The following TOX variants were observed in gnomAD, a reference collection of about 807,000 sequenced individuals.
TOX encodes the protein thymocyte selection associated high mobility group box, also known as thymocyte selection-associated high mobility group box protein TOX.
A neutral mutation model predicts 53.7 loss-of-function variants in TOX; 11 were observed. That is an observed-to-expected ratio of 0.20 (90% CI 0.13 to 0.34). The LOEUF (loss-of-function observed/expected upper bound fraction) is 0.34, where lower values mean the gene tolerates loss of function less well. Among genes scored for constraint, TOX ranks in the 10% least tolerant of loss-of-function variants. The pLI is 1.00. For missense variants in TOX, 570 were observed against 664.6 expected (o/e 0.86, Z 1.56); for synonymous variants, 225 against 245.3 (o/e 0.92, Z 0.77).
At chr8:58,873,958 C>CATTTTTTTTTTT (rs1811239401) in intron 3 of TOX, among the ~76,000 whole-genome samples, 1 of 40,128 alleles carries the variant, frequency 2.5e-5, no homozygotes, top group Non-Finnish European at 3.9e-5. Flanking sequence ...TGCCAGGAAG[C>CATTTTTTTTTTT]TTTTTTTTTT....
chr8:59,076,298 A>G (rs1013119898), intron 1 of TOX, among the ~76,000 whole-genome samples: 8 of 152,216 alleles, frequency 5.3e-5, no homozygotes, highest in African/African-American at 1.7e-4. Context: ...CTTCAGACGC[A>G]AAGGAAGGTA....
chr8:58,866,483 G>C (rs1811104048), intron 3 of TOX, among the ~76,000 whole-genome samples: 1 of 152,172 alleles, frequency 6.6e-6, no homozygotes, highest in Non-Finnish European at 1.5e-5. Flanking sequence ...AGAAACAGCT[G>C]CTATGTAAGT....
chr8:59,031,390 A>G (rs1814353132), intron 1 of TOX, among the ~76,000 whole-genome samples: 1 of 152,164 alleles, frequency 6.6e-6, no homozygotes, highest in African/African-American at 2.4e-5. Flanking sequence ...CCATTTATTG[A>G]TTTTATATAA....
intron 1 of TOX, among the ~76,000 whole-genome samples, chr8:59,085,718 T>C (rs1428520503): frequency 6.6e-6 from 1 of 152,306 alleles, no homozygotes; most frequent in South Asian, 2.1e-4. Flanking sequence ...TTATTTTTGG[T>C]TCAAATGCAA....
intron 3 of TOX, among the ~76,000 whole-genome samples, chr8:58,887,755 T>C (rs1811495174): frequency 6.6e-6 from 1 of 152,052 alleles, no homozygotes; most frequent in African/African-American, 2.4e-5. Context: ...TTAAGTTTAT[T>C]TTGTTGCTCT....
intron 1 of TOX, among the ~76,000 whole-genome samples, chr8:59,089,211 A>G (rs980332005): frequency 6.6e-6 from 1 of 152,228 alleles, no homozygotes; most frequent in African/African-American, 2.4e-5. Flanking sequence ...TTTAGGATGT[A>G]GCTTACGTGT....
At chr8:58,887,714 T>C (rs1373243697) in intron 3 of TOX, among the ~76,000 whole-genome samples, 1 of 152,098 alleles carries the variant, frequency 6.6e-6, no homozygotes, top group Non-Finnish European at 1.5e-5. Context: ...CTTGCTATTT[T>C]CTGCTCTTTA....
intron 1 of TOX, among the ~76,000 whole-genome samples, chr8:58,976,343 C>T (rs896280326): frequency 3.3e-5 from 5 of 152,208 alleles, no homozygotes; most frequent in Non-Finnish European, 1.5e-5. Flanking sequence ...ATGAAGACTC[C>T]TCATCCATTA....
rs181475462 is a variant in TOX, at chr8:58,888,868, A to G, written c.412-37063T>C. ...AAGTGAATCAAGTAAAAAAAAATCA[A>G]ATTGTATCCATACCTCCTCCCTAAC... is the stretch of plus-strand genomic sequence containing the variant. On this transcript the variant is annotated intron_variant, in intron 3 of 8. Transcript: ENST00000361421. Among the ~76,000 whole-genome samples, 278 of 152,164 alleles carry G rather than the reference A, an allele frequency of 1.8e-3. 1 individual carries two copies. The highest frequency in any genetic ancestry group is 3.2e-3 in the Non-Finnish European group (215 of 67,958).
At chr8:58,840,475 A>G (rs530557589) in intron 4 of TOX, among the ~76,000 whole-genome samples, 105 of 152,318 alleles carry the variant, frequency 6.9e-4, no homozygotes, top group African/African-American at 2.3e-3. Flanking sequence ...TATATGACCT[A>G]GAATGGTGCT....
chr8:58,818,078 T>G (rs1317528298), intron 6 of TOX, among the ~76,000 whole-genome samples: 1 of 152,160 alleles, frequency 6.6e-6, no homozygotes, highest in Non-Finnish European at 1.5e-5. Flanking sequence ...AGTGAACAGA[T>G]AGCAACCTAA....
intron 3 of TOX, among the ~76,000 whole-genome samples, chr8:58,925,742 CA>C (rs1812147808): frequency 6.6e-6 from 1 of 152,104 alleles, no homozygotes; most frequent in South Asian, 2.1e-4. Flanking sequence ...TCCATTATAC[CA>C]ATAAAAAATA....
chr8:58,926,386 A>G (rs1423853394), intron 3 of TOX, among the ~76,000 whole-genome samples: 1 of 152,176 alleles, frequency 6.6e-6, no homozygotes, highest in African/African-American at 2.4e-5. Context: ...TGGCCTATCA[A>G]GATGCTTTTG....
At chr8:58,818,277 A>G (rs1810213403) in intron 6 of TOX, among the ~76,000 whole-genome samples, 1 of 152,202 alleles carries the variant, frequency 6.6e-6, no homozygotes, top group Non-Finnish European at 1.5e-5. Context: ...CTATTGGCAA[A>G]CTCAAAGTAA....
chr8:59,063,426 C>CTTT (rs35219789), intron 1 of TOX, among the ~76,000 whole-genome samples: 10 of 123,792 alleles, frequency 8.1e-5, no homozygotes, highest in African/African-American at 2.9e-4. Context: ...AGGATATAGA[C>CTTT]TTTTTTTTTT....
chr8:58,920,709 A>T (rs1407410331), intron 3 of TOX, among the ~76,000 whole-genome samples: 57 of 32,382 alleles, frequency 1.8e-3, no homozygotes, highest in African/African-American at 4.1e-3. Flanking sequence ...AAGTATAATA[A>T]AAAAAAAACA....
rs574102837 is a variant in TOX, at chr8:58,871,890, A to G, written c.412-20085T>C. 1.5e-3 allele frequency among the ~76,000 whole-genome samples: 233 copies of G among 152,278 alleles called. 5 individuals carry two copies. The South Asian group carries it at 0.037, about 24-fold the overall frequency. ...TATACAGGTCAGTATTCATACATATATCTCCCTAATCTGCCAGTTAAGAGA... is the reference window on the plus strand; with the variant it reads ...TATACAGGTCAGTATTCATACATATGTCTCCCTAATCTGCCAGTTAAGAGA... On this transcript the variant is annotated intron_variant, in intron 3 of 8. Coordinates refer to ENST00000361421, the MANE Select transcript of TOX (RefSeq NM_014729.3).
intron 1 of TOX, among the ~76,000 whole-genome samples, chr8:59,001,168 T>G (rs897339650): frequency 6.6e-6 from 1 of 152,170 alleles, no homozygotes; most frequent in African/African-American, 2.4e-5. Flanking sequence ...TCCCTGCCAA[T>G]GTGGCAGGAA....
chr8:59,022,888 C>T (rs1814162519), intron 1 of TOX, among the ~76,000 whole-genome samples: 4 of 152,224 alleles, frequency 2.6e-5, no homozygotes, highest in Middle Eastern at 3.4e-3. Flanking sequence ...GACAGCAAAA[C>T]CCAGCTTACA....
Sources: gnomAD v4.1 joint callset for allele counts (sites outside exome capture counted in the v4.1 genomes callset) on GRCh38, gnomAD v4.1.1 for gene constraint, MANE v1.5 for transcripts, NCBI Gene and HGNC (gene_info 2026-07-23, HGNC 2026-07-21) for gene names.